Variants in KIRREL3 observed in about 807,000 individuals in gnomAD.
KIRREL3 encodes the protein kin of IRRE-like protein 3.
Under a neutral mutation model 89.7 loss-of-function variants are expected in KIRREL3, and 36 were observed. The observed-to-expected ratio is 0.40, with a 90% CI of 0.31 to 0.53. The LOEUF (loss-of-function observed/expected upper bound fraction) is 0.53, where lower values mean the gene tolerates loss of function less well. Among genes scored for constraint, KIRREL3 ranks in the 20% least tolerant of loss-of-function variants. The probability of loss-of-function intolerance (pLI) is 0.49; values close to 1 mark genes in which losing one functional copy is unlikely to be tolerated. For missense variants in KIRREL3, 864 were observed against 1,056.6 expected (o/e 0.82, Z 2.53); for synonymous variants, 445 against 441.4 (o/e 1.01, Z -0.10).
Position 126,890,230 on chromosome 11 carries a change from A to G in KIRREL3, c.55+110225T>C, listed in dbSNP as rs937829433. Among the ~76,000 whole-genome samples, 1 of 152,174 alleles carries G rather than the reference A, an allele frequency of 6.6e-6. No individual in the cohort carries two copies. Among genetic ancestry groups the G allele is most frequent in the African/African-American group, 2.4e-5 (1 of 41,440 alleles). ...TTCTGGCTCCCGGCAGGTTCATGAA[A>G]GAGAAAGGGTCTTCTTCCTGAGCAG... On this transcript the variant is annotated intron_variant, in intron 1 of 16. Transcript: ENST00000525144. This position sits in a 1 kb window ranked among gnomAD's most constrained non-coding sequence, Gnocchi z 5.1.
At chr11:126,727,464 T>A (rs1369674196) in intron 1 of KIRREL3, among the ~76,000 whole-genome samples, 1 of 152,204 alleles carries the variant, frequency 6.6e-6, no homozygotes, top group Non-Finnish European at 1.5e-5. Context: ...TTAGGCTGAA[T>A]CTCAACTTGG....
At chr11:126,847,163 T>A (rs1399777622) in intron 1 of KIRREL3, among the ~76,000 whole-genome samples, 1 of 152,208 alleles carries the variant, frequency 6.6e-6, no homozygotes, top group Non-Finnish European at 1.5e-5. Context: ...TTTTTTGGTA[T>A]AAAAATCATA....
At chr11:126,765,998 C>T (rs1483715889) in intron 1 of KIRREL3, among the ~76,000 whole-genome samples, 1 of 152,140 alleles carries the variant, frequency 6.6e-6, no homozygotes, top group Non-Finnish European at 1.5e-5. Flanking sequence ...TGAGCTTGGG[C>T]ATGCTGGGAG....
In KIRREL3 at chr11:126,627,786, G is replaced by A. The variant is rs765473391; in HGVS notation, c.56-64874C>T. 2.0e-5 allele frequency among the ~76,000 whole-genome samples: 3 copies of A among 152,154 alleles called. No homozygotes were observed. Among genetic ancestry groups the A allele is most frequent in the Non-Finnish European group, 4.4e-5 (3 of 68,020 alleles). ...TGGCAGGATTAGAGGGATGTCAGAT[G>A]CTCAGAGAGAACTCACAGGCCCCAG... On this transcript the variant is annotated intron_variant, in intron 1 of 16. Transcript: ENST00000525144. This position sits in a 1 kb window ranked among gnomAD's most constrained non-coding sequence, Gnocchi z 5.0.
intron 1 of KIRREL3, among the ~76,000 whole-genome samples, chr11:126,625,870 T>A (rs1255430972): frequency 6.6e-6 from 1 of 152,238 alleles, no homozygotes; most frequent in Non-Finnish European, 1.5e-5. Flanking sequence ...CACAGAACAC[T>A]GCTTATCCCT....
At chr11:126,849,358 C>G (rs4937205) in intron 1 of KIRREL3, among the ~76,000 whole-genome samples, 129,098 of 152,150 alleles carry the variant, frequency 0.85, 54,979 homozygotes, top group East Asian at 1. Context: ...AAATGGGCAA[C>G]CAGCAGCCCT....
intron 1 of KIRREL3, among the ~76,000 whole-genome samples, chr11:126,895,961 G>A (rs908409695): frequency 3.9e-5 from 6 of 152,186 alleles, no homozygotes; most frequent in Non-Finnish European, 8.8e-5. Flanking sequence ...TAGAGCGAAT[G>A]GCAAATTCTC....
rs1177546175 is a variant in KIRREL3 at position 126,953,768 on chromosome 11, C to T, written c.55+46687G>A. On this transcript the variant is annotated intron_variant, in intron 1 of 16. Transcript: ENST00000525144. This position sits in a 1 kb window ranked among gnomAD's most constrained non-coding sequence, Gnocchi z 5.2. Reference sequence around the variant, plus strand: ...TAGCAGGAAAGAGTTTTCATGATTTCTGCCTCTCAGAGGTCTCTCAAACAG... The same window carrying T: ...TAGCAGGAAAGAGTTTTCATGATTTTTGCCTCTCAGAGGTCTCTCAAACAG... Among the ~76,000 whole-genome samples the T allele has an allele frequency of 1.3e-5, 2 of 152,198 alleles. No individual in the cohort carries two copies. The highest frequency in any genetic ancestry group is 1.9e-4 in the East Asian group (1 of 5,194).
rs1190762314 is a variant in KIRREL3, at chr11:126,522,856, C to T, written c.284-1392G>A. Among the ~76,000 whole-genome samples, 1 of 152,234 alleles carries T rather than the reference C, an allele frequency of 6.6e-6. No homozygotes were observed. The highest frequency in any genetic ancestry group is 1.9e-4 in the East Asian group (1 of 5,186). On this transcript the variant is annotated intron_variant, in intron 3 of 16. Coordinates refer to ENST00000525144, the MANE Select transcript of KIRREL3 (RefSeq NM_032531.4). This position sits in a 1 kb window ranked among gnomAD's most constrained non-coding sequence, Gnocchi z 6.0. Reference sequence around the variant, plus strand: ...GGCTTCCACTCCCCTCTGGCAGCCCCAGGCTGCTCCTCCTTTTGAAGGACC... The same window carrying T: ...GGCTTCCACTCCCCTCTGGCAGCCCTAGGCTGCTCCTCCTTTTGAAGGACC...
intron 1 of KIRREL3, among the ~76,000 whole-genome samples, chr11:126,679,263 T>C (rs563469088): frequency 1.1e-4 from 16 of 152,214 alleles, no homozygotes; most frequent in Non-Finnish European, 5.9e-5. Flanking sequence ...CCTGGGGTCA[T>C]CTACTTCTGG....
At chr11:126,751,791 T>G (rs1452542565) in intron 1 of KIRREL3, among the ~76,000 whole-genome samples, 1 of 152,138 alleles carries the variant, frequency 6.6e-6, no homozygotes, top group Non-Finnish European at 1.5e-5. Context: ...AAAAAGATAG[T>G]CCATACCCCA....
rs140397883 is a variant in KIRREL3, at chr11:126,558,000, C to A, written c.133+4835G>T. On this transcript the variant is annotated intron_variant, in intron 2 of 16. Transcript: ENST00000525144. This position sits in a 1 kb window ranked among gnomAD's most constrained non-coding sequence, Gnocchi z 5.6. ...TCCTGAAAGATGAAAGGGACAGCAC[C>A]CAGAGGCATTTCTGCTCTCCCTTGG... Among the ~76,000 whole-genome samples, 2 of 152,304 alleles carry A rather than the reference C, an allele frequency of 1.3e-5. No homozygotes were observed. Among genetic ancestry groups the A allele is most frequent in the African/African-American group, 4.8e-5 (2 of 41,568 alleles).
intron 1 of KIRREL3, among the ~76,000 whole-genome samples, chr11:126,984,760 C>G (rs557987109): frequency 6.6e-6 from 1 of 152,268 alleles, no homozygotes; most frequent in South Asian, 2.1e-4. Context: ...TTCACTCCAC[C>G]AAGCTCCATG....
rs1187627189 is a variant in KIRREL3 at position 126,923,129 on chromosome 11, C to CTCTTCTTCTTCTTCTTCTTCTTCT, written c.55+77302_55+77325dup. ...CCTTCTCCTTCTCCTTCTCCTTCTT[C>CTCTTCTTCTTCTTCTTCTTCTTCT]TCTTCTTCTTCTTCTTCTTCTTCTT... On this transcript the variant is annotated intron_variant, in intron 1 of 16. Coordinates refer to ENST00000525144, the MANE Select transcript of KIRREL3 (RefSeq NM_032531.4). Among the ~76,000 whole-genome samples, 34 of 25,740 alleles carry CTCTTCTTCTTCTTCTTCTTCTTCT rather than the reference C, an allele frequency of 1.3e-3. 9 individuals carry two copies. Among genetic ancestry groups the CTCTTCTTCTTCTTCTTCTTCTTCT allele is most frequent in the Admixed American group, 2.0e-3 (5 of 2,466 alleles). The allele number at this position is 25,740 out of a possible 152,430, so 16.9% of individuals were successfully genotyped here.
At chr11:126,779,007 A>G (rs1341035100) in intron 1 of KIRREL3, among the ~76,000 whole-genome samples, 3 of 152,206 alleles carry the variant, frequency 2.0e-5, no homozygotes, top group Admixed American at 6.5e-5. Flanking sequence ...AATGCCTTCC[A>G]TGCCCAGAAT....
At chr11:126,790,561 C>A (rs1950606415) in intron 1 of KIRREL3, among the ~76,000 whole-genome samples, 1 of 152,140 alleles carries the variant, frequency 6.6e-6, no homozygotes, top group African/African-American at 2.4e-5. Flanking sequence ...AAAAAAAATA[C>A]TTGTTAGGCA....
intron 1 of KIRREL3, among the ~76,000 whole-genome samples, chr11:126,573,419 T>A (rs1941077093): frequency 6.6e-6 from 1 of 151,712 alleles, no homozygotes; most frequent in Non-Finnish European, 1.5e-5. Context: ...ACTGGTGAGA[T>A]CTCCCCAACA....
At chr11:126,480,691 T>C (rs540884493) in intron 4 of KIRREL3, among the ~76,000 whole-genome samples, 1 of 152,340 alleles carries the variant, frequency 6.6e-6, no homozygotes, top group East Asian at 1.9e-4. Context: ...CATTCAGACC[T>C]GGCAGGTACT....
chr11:126,850,751 ACT>A (rs1300927578), intron 1 of KIRREL3, among the ~76,000 whole-genome samples: 2 of 152,180 alleles, frequency 1.3e-5, no homozygotes, highest in Non-Finnish European at 2.9e-5. Context: ...GAAATGTCAG[ACT>A]TGGGAGCCTC....
Sources: gnomAD v4.1 joint callset for allele counts (sites outside exome capture counted in the v4.1 genomes callset) on GRCh38, gnomAD v4.1.1 for gene constraint, Gnocchi (gnomAD v3.1) non-coding constraint, MANE v1.5 for transcripts, NCBI Gene and HGNC (gene_info 2026-07-23, HGNC 2026-07-21) for gene names.